The following LRP4 variants were observed in gnomAD, a reference collection of about 807,000 sequenced individuals.
LRP4 encodes the protein low-density lipoprotein receptor-related protein 4.
Under a neutral mutation model 220.3 loss-of-function variants are expected in LRP4, and 95 were observed. The observed-to-expected ratio is 0.43, with a 90% CI of 0.37 to 0.51. The LOEUF (loss-of-function observed/expected upper bound fraction) is 0.51. Among genes scored for constraint, LRP4 ranks in the 20% least tolerant of loss-of-function variants. LRP4 has a pLI of 0.00. For missense variants in LRP4, 1,925 were observed against 2,567.0 expected (o/e 0.75, Z 5.40); for synonymous variants, 903 against 954.6 (o/e 0.95, Z 1.00).
intron 37 of LRP4, among the ~76,000 whole-genome samples, chr11:46,860,652 C>T (rs915332268): frequency 1.3e-5 from 2 of 152,176 alleles, no homozygotes; most frequent in African/African-American, 4.8e-5. Flanking sequence ...AAGCAGAAGA[C>T]TGTGCTAGGT....
intron 18 of LRP4, among the ~76,000 whole-genome samples, chr11:46,884,736 C>CAAA (rs71042633): frequency 4.9e-4 from 20 of 40,750 alleles, no homozygotes; most frequent in South Asian, 3.5e-3. Context: ...GACTCCGTCT[C>CAAA]AAAAAAAAAA....
At chr11:46,906,585 A>G (rs1035201311) in intron 1 of LRP4, among the ~76,000 whole-genome samples, 1 of 152,212 alleles carries the variant, frequency 6.6e-6, no homozygotes. Context: ...GTGCAGATGC[A>G]GGGCTGTGGA....
In LRP4 at chr11:46,873,020, C is replaced by T. The variant is rs1940910529; in HGVS notation, c.4583+80G>A. The stretch of plus-strand genomic sequence containing the variant: ...CATACCAAGAAGCTTTCTATCTTTT[C>T]ATTTTTCCAAGGTTAATCTCAACCA... On this transcript the variant is annotated intron_variant, in intron 30 of 37. Transcript: ENST00000378623. The surrounding 1 kb of genome is among the most constrained non-coding windows in gnomAD (Gnocchi z 4.2). The T allele has an allele frequency of 1.7e-5, 27 of 1,581,200 alleles. No individual in the cohort carries two copies. The highest frequency in any genetic ancestry group is 2.3e-5 in the Non-Finnish European group (26 of 1,151,436).
chr11:46,866,460 C>A (rs1169243625), intron 34 of LRP4, among the ~76,000 whole-genome samples: 2 of 149,846 alleles, frequency 1.3e-5, no homozygotes, highest in African/African-American at 5.0e-5. Context: ...TAAAAAAAAA[C>A]TTTTTTGTAG....
rs1350994177 is a variant in LRP4 at position 46,877,245 on chromosome 11, G to A, written c.3231C>T (p.Asn1077=). ...PYFADVVVPI[N]ITMKNTIAIG... is the part of the protein sequence containing the mutation. Reference sequence around the variant, plus strand: ...TGGCAATGGTGTTCTTCATGGTAATGTTGATTGGTACCACCACATCAGCAA... The same window carrying A: ...TGGCAATGGTGTTCTTCATGGTAATATTGATTGGTACCACCACATCAGCAA... The change falls in exon 23 of 38, where the codon AAC becomes AAT. Residue 1077 remains asparagine, a synonymous_variant. Transcript: ENST00000378623. 4 of 1,613,840 alleles carry A rather than the reference G, an allele frequency of 2.5e-6. No individual in the cohort carries two copies. The highest frequency in any genetic ancestry group is 3.4e-6 in the Non-Finnish European group (4 of 1,179,888).
intron 2 of LRP4, 104 bp from the exon 3 acceptor site, chr11:46,900,482 C>A (rs11039023): frequency 1.3e-6 from 1 of 793,898 alleles, no homozygotes; most frequent in Non-Finnish European, 2.2e-6. Context: ...GTCTTTTTTT[C>A]TTTTTTTGAG....
chr11:46,894,955 A>T, intron 11 of LRP4, 136 bp from the exon 12 acceptor site: 1 of 1,028,422 alleles, frequency 9.7e-7, no homozygotes, highest in Non-Finnish European at 1.5e-6. Context: ...CAGTACCAGA[A>T]GAGTGGCAAC....
chr11:46,898,579 G>T lies in LRP4; in HGVS notation c.775C>A (p.Gln259Lys). The change falls in exon 7 of 38, where the codon CAG (glutamine) becomes AAG (lysine). Residue 259 changes from glutamine (Q) to lysine (K), a missense_variant. Gln to Lys is a moderately conservative substitution (Grantham distance 53). This residue lies in a region of LRP4 where 412 missense variants were observed against 505.4 expected (regional missense o/e 0.82). Transcript: ENST00000378623. ...TCACTGCAGTTGCGCTCATCAGACT[G>T]GTCATCACAGTCCGCGTCACCATCG... The part of the protein sequence containing the change: ...RCDGDADCDD[Q>K]SDERNCTTSM... 6.2e-7 allele frequency: 1 copy of T among 1,614,126 alleles called. No homozygotes were observed. Among genetic ancestry groups the T allele is most frequent in the South Asian group, 1.1e-5 (1 of 91,072 alleles).
In LRP4 at chr11:46,890,770, T is replaced by A. The variant is rs988530584; in HGVS notation, c.1698-276A>T. The stretch of plus-strand genomic sequence containing the variant: ...ATCGCTACACCTAACTAATTTTTTT[T>A]TGTAGTAGAGATGAGGTCTTGCTAT... On this transcript the variant is annotated intron_variant, in intron 13 of 37. Coordinates refer to ENST00000378623, the MANE Select transcript of LRP4 (RefSeq NM_002334.4). The surrounding 1 kb of genome is among the most constrained non-coding windows in gnomAD (Gnocchi z 5.3). Among the ~76,000 whole-genome samples the A allele has an allele frequency of 6.6e-6, 1 of 152,026 alleles. No individual in the cohort carries two copies. The highest frequency in any genetic ancestry group is 1.5e-5 in the Non-Finnish European group (1 of 68,008).
At chr11:46,892,516 C>T (rs773774149) in intron 13 of LRP4, among the ~76,000 whole-genome samples, 15 of 151,478 alleles carry the variant, frequency 9.9e-5, no homozygotes, top group Non-Finnish European at 2.1e-4. Flanking sequence ...ATTACAGAGC[C>T]AGGACCTAGA....
chr11:46,914,167 T>C (rs1173040079), intron 1 of LRP4, among the ~76,000 whole-genome samples: 2 of 151,932 alleles, frequency 1.3e-5, no homozygotes, highest in African/African-American at 4.8e-5. Context: ...TTTATGATAT[T>C]CCTATGTGAT....
chr11:46,873,908 G>A lies in LRP4; in HGVS notation c.4230-315C>T. On this transcript the variant is annotated intron_variant, in intron 28 of 37. Coordinates refer to ENST00000378623, the MANE Select transcript of LRP4 (RefSeq NM_002334.4). The surrounding 1 kb of genome is among the most constrained non-coding windows in gnomAD (Gnocchi z 4.2). ...CTTTGGGAAGAGACAAGGATTGCTAGGTGGTGATGATAAGAAACGCAGATT... is the reference window on the plus strand; with the variant it reads ...CTTTGGGAAGAGACAAGGATTGCTAAGTGGTGATGATAAGAAACGCAGATT... 1 of 378,134 alleles carries A rather than the reference G, an allele frequency of 2.6e-6. No homozygotes were observed. The highest frequency in any genetic ancestry group is 7.4e-5 in the South Asian group (1 of 13,540). The allele number at this position is 378,134 out of a possible 1,614,324, so 23.4% of individuals were successfully genotyped here. A position where few individuals can be genotyped will look rare whatever the true frequency, so the allele number is the denominator to read the frequency against.
chr11:46,859,169 C>A lies in LRP4; in HGVS notation c.5532G>T (p.Lys1844Asn). The A allele has an allele frequency of 1.2e-6, 2 of 1,614,198 alleles. No individual in the cohort carries two copies. Among genetic ancestry groups the A allele is most frequent in the Non-Finnish European group, 1.7e-6 (2 of 1,180,038 alleles). ...GGLLRDHVCM[K>N]TDTVSIQASS... ...TGGCCTGGATGGACACCGTGTCTGT[C>A]TTCATGCATACATGATCCCGGAGGA... Residue 1844 changes from lysine to asparagine, a missense_variant, in exon 38 of 38, where the codon AAG becomes AAT. Coordinates refer to ENST00000378623, the MANE Select transcript of LRP4 (RefSeq NM_002334.4).
At chr11:46,860,230 AT>A (rs1212461979) in intron 37 of LRP4, among the ~76,000 whole-genome samples, 2 of 149,446 alleles carry the variant, frequency 1.3e-5, no homozygotes, top group Non-Finnish European at 3.0e-5. Flanking sequence ...GCAAGATTCC[AT>A]TAAAAAAAAA....
At chr11:46,900,112 C>T in intron 3 of LRP4, 136 bp from the exon 4 acceptor site, 1 of 960,410 alleles carries the variant, frequency 1.0e-6, no homozygotes, top group South Asian at 1.3e-5. Context: ...TGCCTCTCAG[C>T]AGCTTATCTG....
At chr11:46,868,401 G>A (rs1186945398) in intron 33 of LRP4, among the ~76,000 whole-genome samples, 199 bp downstream of exon 33, 2 of 152,192 alleles carry the variant, frequency 1.3e-5, no homozygotes, top group Non-Finnish European at 2.9e-5. Flanking sequence ...TTCTGTTCCT[G>A]CAAATGCCAG....
rs1280960378 is a variant in LRP4, at chr11:46,877,244, T to C, written c.3232A>G (p.Ile1078Val). ...ATGGCAATGGTGTTCTTCATGGTAA[T>C]GTTGATTGGTACCACCACATCAGCA... ...YFADVVVPIN[I>V]TMKNTIAIGV... Residue 1078 changes from isoleucine to valine, a missense_variant, in exon 23 of 38, where the codon ATT (isoleucine) becomes GTT (valine). Ile to Val is a conservative substitution (Grantham distance 29, BLOSUM62 3). Transcript: ENST00000378623. 4 of 1,614,000 alleles carry C rather than the reference T, an allele frequency of 2.5e-6. No individual in the cohort carries two copies. The highest frequency in any genetic ancestry group is 3.4e-6 in the Non-Finnish European group (4 of 1,179,914).
chr11:46,860,188 T>A, intron 37 of LRP4, among the ~76,000 whole-genome samples: 1 of 145,544 alleles, frequency 6.9e-6, no homozygotes, highest in Admixed American at 7.0e-5. Context: ...TGAGCCAAGA[T>A]CATGCCACTG....
intron 32 of LRP4, 28 bp from the exon 33 acceptor site, chr11:46,868,741 T>A: frequency 6.6e-7 from 1 of 1,509,558 alleles, no homozygotes; most frequent in Non-Finnish European, 9.2e-7. Context: ...GAATGTCTTA[T>A]CTGGGACAGA....
Sources: gnomAD v4.1 joint callset for allele counts (sites outside exome capture counted in the v4.1 genomes callset) on GRCh38, gnomAD v4.1.1 for gene constraint, gnomAD v4.1.1 regional missense constraint, Gnocchi (gnomAD v3.1) non-coding constraint, MANE v1.5 for transcripts, NCBI Gene and HGNC (gene_info 2026-07-23, HGNC 2026-07-21) for gene names.